Variants in ARFGEF3 observed in about 807,000 individuals in gnomAD.
The protein encoded by ARFGEF3 is brefeldin A-inhibited guanine nucleotide-exchange protein 3.
In ARFGEF3, 96 loss-of-function variants were observed where a neutral mutation model predicts 221.7. The observed-to-expected ratio is 0.43, with a 90% CI of 0.37 to 0.51. The LOEUF is 0.51. Ranked by LOEUF, ARFGEF3 falls within the 20% of genes least tolerant of loss-of-function variation. The probability of loss-of-function intolerance (pLI) is 0.00; values close to 1 mark genes in which losing one functional copy is unlikely to be tolerated. For synonymous variants in ARFGEF3, 1,145 were observed against 1,126.8 expected, an observed-to-expected ratio of 1.02 and a Z score of -0.32; for missense variants, 2,410 against 2,789.9, an observed-to-expected ratio of 0.86 and a Z score of 3.07.
At chr6:138,312,900 G>A (rs1779855809) in intron 25 of ARFGEF3, among the ~76,000 whole-genome samples, 1 of 152,140 alleles carries the variant, frequency 6.6e-6, no homozygotes, top group Non-Finnish European at 1.5e-5. Flanking sequence ...AGTAGAGACG[G>A]GGTTTCGCCA....
At position 138,308,808 on chromosome 6, in the gene ARFGEF3, C is replaced by T; in HGVS notation, c.4043C>T (p.Ala1348Val). 1 of 1,613,986 alleles carries T rather than the reference C, an allele frequency of 6.2e-7. No homozygotes were observed. Among genetic ancestry groups the T allele is most frequent in the Non-Finnish European group, 8.5e-7 (1 of 1,179,846 alleles). The part of the protein sequence containing the change: ...FLNTDNIQVF[A>V]NAATSYIMCL... ...AATACTGACAACATCCAGGTCTTTG[C>T]TAATGCAGCCACTAGCTACATCATG... Residue 1348 changes from alanine (A) to valine (V), a missense_variant, in exon 24 of 34, where the codon GCT (alanine) becomes GTT (valine). By Grantham distance (64) the Ala-to-Val change is moderately conservative. This residue lies in a region of ARFGEF3 where 723 missense variants were observed against 991.9 expected (regional missense o/e 0.73). Transcript: ENST00000251691.
At chr6:138,280,260 A>T (rs1779175455) in intron 14 of ARFGEF3, 96 bp downstream of exon 14, 17 of 1,215,718 alleles carry the variant, frequency 1.4e-5, no homozygotes, top group Non-Finnish European at 1.7e-5. Context: ...CTTGGAGCAG[A>T]CTTTGAAACA....
At chr6:138,177,385 C>T (rs1323698870) in intron 2 of ARFGEF3, among the ~76,000 whole-genome samples, 1 of 152,098 alleles carries the variant, frequency 6.6e-6, no homozygotes, top group East Asian at 1.9e-4. Context: ...TCCCAAAATG[C>T]TGGGATTACA....
chr6:138,336,019 T>C (rs929757801), intron 33 of ARFGEF3, among the ~76,000 whole-genome samples: 6 of 152,258 alleles, frequency 3.9e-5, no homozygotes, highest in Admixed American at 2.6e-4. Context: ...GTTGTTGTTG[T>C]TGTTTTTAAA....
In ARFGEF3 at chr6:138,334,382, G is replaced by A. The variant is rs192374536; in HGVS notation, c.5536G>A (p.Glu1846Lys). The A allele has an allele frequency of 6.8e-6, 11 of 1,613,316 alleles. No homozygotes were observed. The East Asian group carries it at 2.0e-4, about 29-fold the overall frequency. ...QVKKVLFEDDERSTDSSQQCS... is the reference protein window; with the variant it reads ...QVKKVLFEDDKRSTDSSQQCS... The stretch of plus-strand genomic sequence containing the variant: ...GAAGAAGGTCCTTTTTGAGGACGAC[G>A]AGAGAAGCACGGATTCTTCCCAGCA... The change falls in exon 33 of 34, where the codon GAG becomes AAG. Residue 1846 changes from glutamate to lysine, a missense_variant. This residue lies in a region of ARFGEF3 where 723 missense variants were observed against 991.9 expected (regional missense o/e 0.73). Transcript: ENST00000251691. This position sits in a 1 kb window ranked among gnomAD's most constrained non-coding sequence, Gnocchi z 5.1.
chr6:138,249,668 C>T (rs1014701134), intron 8 of ARFGEF3, among the ~76,000 whole-genome samples: 1 of 152,186 alleles, frequency 6.6e-6, no homozygotes, highest in East Asian at 1.9e-4. Flanking sequence ...GCATATGTTT[C>T]TAGGATTTCT....
At chr6:138,274,810 A>C (rs1169714276) in intron 12 of ARFGEF3, among the ~76,000 whole-genome samples, 2 of 150,256 alleles carry the variant, frequency 1.3e-5, no homozygotes, top group Non-Finnish European at 3.0e-5. Context: ...AAAAAAAAAA[A>C]AATGCACCTC....
At chr6:138,231,411 A>G (rs980027988) in intron 5 of ARFGEF3, among the ~76,000 whole-genome samples, 1 of 151,178 alleles carries the variant, frequency 6.6e-6, no homozygotes. Context: ...CATACTGCTT[A>G]GATATGAAGC....
intron 29 of ARFGEF3, among the ~76,000 whole-genome samples, chr6:138,321,620 G>A (rs1040860109): frequency 9.2e-5 from 14 of 152,162 alleles, no homozygotes; most frequent in Admixed American, 6.5e-5. Flanking sequence ...GGGAACCCTC[G>A]TACACTGTTG....
At chr6:138,319,399 C>T (rs569197965) in intron 27 of ARFGEF3, among the ~76,000 whole-genome samples, 1 of 152,050 alleles carries the variant, frequency 6.6e-6, no homozygotes, top group Non-Finnish European at 1.5e-5. Flanking sequence ...CTTATACACA[C>T]ATGTGTATTT....
intron 1 of ARFGEF3, among the ~76,000 whole-genome samples, chr6:138,168,723 G>A (rs993423620): frequency 6.6e-6 from 1 of 152,214 alleles, no homozygotes; most frequent in African/African-American, 2.4e-5. Flanking sequence ...TCCACTCGGA[G>A]TGACCTCTCC....
intron 5 of ARFGEF3, among the ~76,000 whole-genome samples, chr6:138,235,223 C>A (rs190680558): frequency 4.8e-4 from 73 of 152,142 alleles, no homozygotes; most frequent in Non-Finnish European, 9.0e-4. Flanking sequence ...TATCATTAAC[C>A]GTTTGTGTTT....
intron 4 of ARFGEF3, among the ~76,000 whole-genome samples, chr6:138,227,103 G>T (rs1285925299): frequency 6.6e-6 from 1 of 151,544 alleles, no homozygotes; most frequent in Non-Finnish European, 1.5e-5. Flanking sequence ...GACATTAGGT[G>T]TGGAAAGCCT....
intron 24 of ARFGEF3, among the ~76,000 whole-genome samples, chr6:138,310,052 G>A (rs1779798146): frequency 6.6e-6 from 1 of 152,162 alleles, no homozygotes; most frequent in Non-Finnish European, 1.5e-5. Context: ...AACAGCCTGT[G>A]TTTTCTTCTG....
rs1562220518 is a variant in ARFGEF3 at position 138,334,829 on chromosome 6, GAGAAGAAGGATCCCAGCC to G, written c.5984_6001del (p.Glu1995_Arg2001delinsGly). ...GCTGCTGCCCCCCAGCCCCAAAGTG[GAGAAGAAGGATCCCAGCC>G]GGAAGAAGGAGTGGTGGGAGAATGC... On this transcript the variant is annotated inframe_deletion, in exon 33 of 34. Coordinates refer to ENST00000251691, the MANE Select transcript of ARFGEF3 (RefSeq NM_020340.5). The surrounding 1 kb of genome is among the most constrained non-coding windows in gnomAD (Gnocchi z 5.1). 1 of 1,600,634 alleles carries G rather than the reference GAGAAGAAGGATCCCAGCC, an allele frequency of 6.2e-7. No homozygotes were observed. The highest frequency in any genetic ancestry group is 1.1e-5 in the South Asian group (1 of 88,580).
At position 138,294,095 on chromosome 6, in the gene ARFGEF3, A is replaced by G. The variant is rs369396552; in HGVS notation, c.3471A>G (p.Thr1157=). ...AGTCTCAGCTTTTCCATTCTGTTAC[A>G]GATACAGTTGATTACTCTCTGGCAA... ...ASQSQLFHSV[T]DTVDYSLAMP... The change falls in exon 20 of 34, where the codon ACA becomes ACG. Residue 1157 remains threonine (T), a synonymous_variant. Coordinates refer to ENST00000251691, the MANE Select transcript of ARFGEF3 (RefSeq NM_020340.5). 1 of 1,613,962 alleles carries G rather than the reference A, an allele frequency of 6.2e-7. No individual in the cohort carries two copies. The highest frequency in any genetic ancestry group is 8.5e-7 in the Non-Finnish European group (1 of 1,179,882).
intron 27 of ARFGEF3, among the ~76,000 whole-genome samples, chr6:138,319,152 A>G (rs1779977887): frequency 6.6e-6 from 1 of 150,590 alleles, no homozygotes; most frequent in South Asian, 2.1e-4. Flanking sequence ...GGATTTCACA[A>G]TGTCGCCCAA....
chr6:138,215,883 T>TGAAAGA (rs1777837060), intron 4 of ARFGEF3: 3 of 109,310 alleles, frequency 2.7e-5, no homozygotes, highest in African/African-American at 1.1e-4. Flanking sequence ...TGTGTGTGTG[T>TGAAAGA]GTGTGAAAGA....
At chr6:138,268,664 G>A (rs763358992) in intron 12 of ARFGEF3, among the ~76,000 whole-genome samples, 18 of 152,214 alleles carry the variant, frequency 1.2e-4, no homozygotes, top group Non-Finnish European at 2.4e-4. Context: ...ATAGAACAAA[G>A]TGACGTCTGT....
Sources: allele counts gnomAD v4.1 joint callset (sites outside exome capture counted in the v4.1 genomes callset), GRCh38; gene constraint gnomAD v4.1.1; regional missense constraint gnomAD v4.1.1; non-coding constraint Gnocchi (gnomAD v3.1); transcripts MANE v1.5; gene names NCBI Gene and HGNC (gene_info 2026-07-23, HGNC 2026-07-21).